Variants in GPHN observed in about 807,000 individuals in gnomAD.
GPHN encodes the protein gephyrin.
A neutral mutation model predicts 95.5 loss-of-function variants in GPHN; 17 were observed. That is an observed-to-expected ratio of 0.18 (90% CI 0.12 to 0.27). The LOEUF (loss-of-function observed/expected upper bound fraction) is 0.27, where lower values mean the gene tolerates loss of function less well. Among genes scored for constraint, GPHN ranks in the 10% least tolerant of loss-of-function variants. The pLI is 1.00. For missense variants in GPHN, 660 were observed against 978.1 expected (o/e 0.67, Z 4.34); for synonymous variants, 320 against 322.5 (o/e 0.99, Z 0.08).
intron 4 of GPHN, among the ~76,000 whole-genome samples, chr14:66,871,787 G>A (rs2063449277): frequency 6.6e-6 from 1 of 151,012 alleles, no homozygotes; most frequent in South Asian, 2.1e-4. Flanking sequence ...GGGTGAGGGG[G>A]AAGGGGAGGG....
chr14:67,231,507 A>G, the GPHN span, among the ~76,000 whole-genome samples: 1 of 152,172 alleles, frequency 6.6e-6, no homozygotes, highest in Non-Finnish European at 1.5e-5. Flanking sequence ...TATGTTGCCC[A>G]GACTGGTCTC....
chr14:67,104,772 T>C (rs1270737003), intron 13 of GPHN, among the ~76,000 whole-genome samples: 7 of 152,288 alleles, frequency 4.6e-5, no homozygotes, highest in Middle Eastern at 3.4e-3. Flanking sequence ...TTTGTCAATT[T>C]TGTTTATATT....
At chr14:66,857,156 TAGAG>T (rs1329152673) in intron 4 of GPHN, among the ~76,000 whole-genome samples, 1 of 151,984 alleles carries the variant, frequency 6.6e-6, no homozygotes, top group Non-Finnish European at 1.5e-5. Context: ...TATAATTACA[TAGAG>T]AGATTATATG....
intron 2 of GPHN, among the ~76,000 whole-genome samples, chr14:66,764,721 A>G (rs1566919456): frequency 6.6e-6 from 1 of 152,162 alleles, no homozygotes; most frequent in Non-Finnish European, 1.5e-5. Flanking sequence ...GTAGCTATAT[A>G]TCATCAAGAA....
intron 10 of GPHN, among the ~76,000 whole-genome samples, chr14:67,044,069 T>A (rs1403114103): frequency 6.6e-6 from 1 of 152,160 alleles, no homozygotes; most frequent in Non-Finnish European, 1.5e-5. Context: ...TTAGTGGTGA[T>A]ATCCCCCATA....
the GPHN span, chr14:67,557,245 CTATGAGATCATTG>C: frequency 1.2e-6 from 2 of 1,609,826 alleles, no homozygotes; most frequent in African/African-American, 2.7e-5. Context: ...TGGGAAGACA[CTATGAGATCATTG>C]TACTTTTCAG....
At chr14:67,504,957 G>T in the GPHN span, among the ~76,000 whole-genome samples, 1 of 152,246 alleles carries the variant, frequency 6.6e-6, no homozygotes, top group South Asian at 2.1e-4. Context: ...GTGCATTGCT[G>T]TGTTGCTTTT....
intron 3 of GPHN, among the ~76,000 whole-genome samples, chr14:66,793,673 A>T (rs1227715377): frequency 1.3e-5 from 2 of 152,122 alleles, no homozygotes; most frequent in Non-Finnish European, 2.9e-5. Context: ...GCACAAAAAG[A>T]GAGAAGAGAG....
At chr14:67,519,729 T>TC in the GPHN span, among the ~76,000 whole-genome samples, 1 of 145,300 alleles carries the variant, frequency 6.9e-6, no homozygotes. Context: ...TTTTTTTTTT[T>TC]ACTTTTTTTT....
intron 12 of GPHN, among the ~76,000 whole-genome samples, chr14:67,099,760 C>T (rs2077590922): frequency 6.6e-6 from 1 of 152,042 alleles, no homozygotes; most frequent in African/African-American, 2.4e-5. Flanking sequence ...TTTATAGCTA[C>T]ATAAACGAGC....
chr14:66,600,127 A>G lies in GPHN; in HGVS notation c.65-80980A>G, dbSNP rs114767943. ...TTATCTCATTTAAAGTTTTTGCATC[A>G]TTATTCTTCAGTGTGTTTGATTTGT... is the stretch of plus-strand genomic sequence containing the variant. On this transcript the variant is annotated intron_variant, in intron 1 of 22. Transcript: ENST00000478722. Among the ~76,000 whole-genome samples, 1,261 of 151,912 alleles carry G rather than the reference A, an allele frequency of 8.3e-3. 14 individuals carry two copies. The highest frequency in any genetic ancestry group is 0.029 in the African/African-American group (1,192 of 41,462).
At chr14:67,359,783 T>C in the GPHN span, 2 of 1,491,794 alleles carry the variant, frequency 1.3e-6, no homozygotes, top group Middle Eastern at 3.7e-4. Flanking sequence ...AGTGTCTTCC[T>C]CTACGGGAGT....
intron 5 of GPHN, among the ~76,000 whole-genome samples, chr14:66,896,740 A>G (rs1596310110): frequency 6.6e-6 from 1 of 152,158 alleles, no homozygotes; most frequent in Non-Finnish European, 1.5e-5. Context: ...TTCCAGAAAT[A>G]GAGGGAAGAA....
At chr14:67,615,348 G>T in the GPHN span, 1 of 155,214 alleles carries the variant, frequency 6.4e-6, no homozygotes, top group Non-Finnish European at 1.4e-5. Flanking sequence ...GCTTTGAGTT[G>T]CTGTTTTATG....
intron 5 of GPHN, among the ~76,000 whole-genome samples, chr14:66,882,031 A>G (rs1272690258): frequency 1.3e-5 from 2 of 151,814 alleles, no homozygotes; most frequent in African/African-American, 4.8e-5. Context: ...AAAAATTATT[A>G]TTTTTATAAT....
the GPHN span, chr14:67,486,981 G>C: frequency 6.6e-6 from 1 of 152,190 alleles, no homozygotes; most frequent in Admixed American, 6.5e-5. Context: ...GATCCCCTGG[G>C]TGCTTGTAAC....
intron 17 of GPHN, among the ~76,000 whole-genome samples, chr14:67,123,048 GCTGTCTTTC>G (rs2079100653): frequency 6.6e-6 from 1 of 152,120 alleles, no homozygotes. Context: ...CTGCTGCCTG[GCTGTCTTTC>G]AAAAGTCACC....
intron 1 of GPHN, among the ~76,000 whole-genome samples, chr14:66,620,830 T>C (rs2063259495): frequency 6.6e-6 from 1 of 152,086 alleles, no homozygotes; most frequent in Non-Finnish European, 1.5e-5. Flanking sequence ...GCCTGTAAAA[T>C]CAGAAGCAAC....
intron 2 of GPHN, among the ~76,000 whole-genome samples, chr14:66,687,545 A>G (rs1202422468): frequency 6.9e-5 from 10 of 145,576 alleles, no homozygotes; most frequent in East Asian, 4.0e-4. Flanking sequence ...CTGGAGTGCA[A>G]TGGCACAATC....
Sources: gnomAD v4.1 joint callset for allele counts (sites outside exome capture counted in the v4.1 genomes callset) on GRCh38, gnomAD v4.1.1 for gene constraint, MANE v1.5 for transcripts, NCBI Gene and HGNC (gene_info 2026-07-23, HGNC 2026-07-21) for gene names.